The following C9 variants were observed in gnomAD, a reference collection of about 807,000 sequenced individuals.
The protein encoded by C9 is complement C9, also known as complement component C9.
Under a neutral mutation model 65.4 loss-of-function variants are expected in C9, and 63 were observed. That is an observed-to-expected ratio of 0.96 (90% CI 0.79 to 1.19). The LOEUF is 1.19. C9 is among the 50% of genes most tolerant of loss of function. C9 has a pLI of 0.00. For missense variants in C9, 744 were observed against 670.1 expected (o/e 1.11, Z -1.22); for synonymous variants, 229 against 227.9 (o/e 1.00, Z -0.04).
intron 10 of C9, among the ~76,000 whole-genome samples, chr5:39,287,810 G>A (rs1225277544): frequency 6.6e-6 from 1 of 151,838 alleles, no homozygotes; most frequent in Non-Finnish European, 1.5e-5. Flanking sequence ...ATAATAGACA[G>A]TGGGGACTCC....
chr5:39,351,501 C>T (rs1003887334), intron 1 of C9, among the ~76,000 whole-genome samples: 15 of 152,152 alleles, frequency 9.9e-5, no homozygotes, highest in African/African-American at 2.9e-4. Context: ...TTTGCTTATG[C>T]GAATGAGCAT....
intron 1 of C9, among the ~76,000 whole-genome samples, chr5:39,345,088 C>T (rs1449488186): frequency 6.6e-6 from 1 of 151,882 alleles, no homozygotes; most frequent in Non-Finnish European, 1.5e-5. Context: ...TAAAGATCAT[C>T]AATGCCAGGA....
intron 4 of C9, among the ~76,000 whole-genome samples, chr5:39,336,908 T>C (rs1446924546): frequency 6.6e-6 from 1 of 152,054 alleles, no homozygotes; most frequent in African/African-American, 2.4e-5. Flanking sequence ...TCAGTGTTGA[T>C]AAAAAGAATT....
chr5:39,342,066 G>A (rs1346107189), intron 2 of C9, 25 bp downstream of exon 2: 10 of 1,270,972 alleles, frequency 7.9e-6, no homozygotes, highest in Non-Finnish European at 1.0e-5. Flanking sequence ...GGGGAGGTCA[G>A]TGGGGAAGGG....
rs1302910623 is a variant in C9, at chr5:39,334,409, C to T, written c.477-2595G>A. ...CCGTCTGAGAAGTGAGGAGCCCCTC[C>T]GCCCGGCAGCCGCCCCGTCTGAGAA... On this transcript the variant is annotated intron_variant, in intron 4 of 10. Coordinates refer to ENST00000263408, the MANE Select transcript of C9 (RefSeq NM_001737.5). Among the ~76,000 whole-genome samples the T allele has an allele frequency of 4.1e-4, 61 of 148,264 alleles. 1 individual carries two copies. The highest frequency in any genetic ancestry group is 1.9e-3 in the East Asian group (9 of 4,854).
chr5:39,347,257 G>A (rs1342675661), intron 1 of C9, among the ~76,000 whole-genome samples: 2 of 152,124 alleles, frequency 1.3e-5, no homozygotes, highest in Non-Finnish European at 2.9e-5. Flanking sequence ...TGACACGACT[G>A]TATATTGAGA....
chr5:39,343,483 G>A (rs977987795), intron 1 of C9, among the ~76,000 whole-genome samples: 6 of 152,142 alleles, frequency 3.9e-5, no homozygotes, highest in Non-Finnish European at 7.4e-5. Flanking sequence ...GGGGAGGGGC[G>A]CCCGCCATTG....
In C9 at chr5:39,364,471, C is replaced by G; in HGVS notation, c.-7G>C. 1 of 1,594,660 alleles carries G rather than the reference C, an allele frequency of 6.3e-7. No homozygotes were observed. The highest frequency in any genetic ancestry group is 1.3e-5 in the African/African-American group (1 of 74,698). ...AGCTCCGGCAGGCTGACATGCTGCT[C>G]TTGCTGGGTGGCTGCGAGTGGGGTG... On this transcript the variant is annotated 5_prime_UTR_variant, in exon 1 of 11. Transcript: ENST00000263408.
intron 1 of C9, among the ~76,000 whole-genome samples, chr5:39,348,483 A>G (rs1473285055): frequency 6.6e-6 from 1 of 152,232 alleles, no homozygotes; most frequent in African/African-American, 2.4e-5. Flanking sequence ...ACCATCTCAC[A>G]CCAGTTAGAA....
intron 8 of C9, 80 bp from the exon 9 acceptor site, chr5:39,306,872 A>G: frequency 1.1e-6 from 1 of 920,164 alleles, no homozygotes; most frequent in South Asian, 1.4e-5. Context: ...TATGATAAAC[A>G]TTTATTGAGT....
chr5:39,309,860 A>G (rs1753448253), intron 7 of C9, among the ~76,000 whole-genome samples: 1 of 152,108 alleles, frequency 6.6e-6, no homozygotes, highest in Non-Finnish European at 1.5e-5. Context: ...CTTTTTCATC[A>G]AAACAACTCC....
chr5:39,296,139 A>ATT (rs542115696), intron 9 of C9, among the ~76,000 whole-genome samples: 77 of 151,718 alleles, frequency 5.1e-4, no homozygotes, highest in Non-Finnish European at 8.0e-4. Context: ...TCTGAATAGG[A>ATT]TCTCAAATGC....
chr5:39,300,356 T>C (rs1407525690), intron 9 of C9, among the ~76,000 whole-genome samples: 6 of 151,924 alleles, frequency 3.9e-5, no homozygotes, highest in African/African-American at 1.5e-4. Flanking sequence ...AGGTTGCTGT[T>C]AGACAAGACT....
At chr5:39,346,673 A>C (rs1184052786) in intron 1 of C9, among the ~76,000 whole-genome samples, 1 of 152,250 alleles carries the variant, frequency 6.6e-6, no homozygotes, top group Non-Finnish European at 1.5e-5. Context: ...TCATTTTATG[A>C]GGCCAGCATC....
At chr5:39,351,382 G>T (rs576504646) in intron 1 of C9, among the ~76,000 whole-genome samples, 57 of 152,336 alleles carry the variant, frequency 3.7e-4, no homozygotes, top group South Asian at 2.1e-3. Context: ...AATATCTGCA[G>T]CTGGCTGGAA....
rs141131332 is a variant in C9, at chr5:39,359,885, C to T, written c.77+4503G>A. On this transcript the variant is annotated intron_variant, in intron 1 of 10. Coordinates refer to ENST00000263408, the MANE Select transcript of C9 (RefSeq NM_001737.5). The stretch of plus-strand genomic sequence containing the variant: ...CTGCAATTCCTGACACAACGTCTGG[C>T]TCATTCGACAAAGTTGATAACTGTT... Among the ~76,000 whole-genome samples, 1,080 of 152,362 alleles carry T rather than the reference C, an allele frequency of 7.1e-3. 7 individuals are homozygous for T. Among genetic ancestry groups the T allele is most frequent in the African/African-American group, 0.025 (1,028 of 41,588 alleles).
rs528068748 is a variant in C9 at position 39,290,582 on chromosome 5, C to G, written c.1417-1631G>C. 6.6e-5 allele frequency among the ~76,000 whole-genome samples: 10 copies of G among 151,848 alleles called. 1 individual carries two copies. In the South Asian group the frequency reaches 2.1e-3, roughly 31 times the overall value. ...TTTTCCCTAAGGACAATGAGGAAAG[C>G]TAAACAAAATAAAACCAAACATTTT... On this transcript the variant is annotated intron_variant, in intron 9 of 10. Coordinates refer to ENST00000263408, the MANE Select transcript of C9 (RefSeq NM_001737.5).
intron 5 of C9, among the ~76,000 whole-genome samples, chr5:39,325,562 C>T (rs1753732988): frequency 6.6e-6 from 1 of 152,086 alleles, no homozygotes; most frequent in Non-Finnish European, 1.5e-5. Context: ...ATCATGATGT[C>T]AGGAGTTAGA....
At chr5:39,302,731 C>G (rs1276216066) in intron 9 of C9, among the ~76,000 whole-genome samples, 1 of 152,008 alleles carries the variant, frequency 6.6e-6, no homozygotes, top group Non-Finnish European at 1.5e-5. Flanking sequence ...GCAAAAGCAA[C>G]AAAAATGAAC....
Sources: gnomAD v4.1 joint callset for allele counts (sites outside exome capture counted in the v4.1 genomes callset) on GRCh38, gnomAD v4.1.1 for gene constraint, MANE v1.5 for transcripts, NCBI Gene and HGNC (gene_info 2026-07-23, HGNC 2026-07-21) for gene names.